Variants in NIPBL observed in about 807,000 individuals in gnomAD.
NIPBL encodes nipped-B-like protein.
A neutral mutation model predicts 321.8 loss-of-function variants in NIPBL; 19 were observed. That is an observed-to-expected ratio of 0.06 (90% CI 0.04 to 0.09). The LOEUF is 0.09. Ranked by LOEUF, NIPBL falls within the 10% of genes least tolerant of loss-of-function variation. The pLI, the probability that NIPBL is intolerant of heterozygous loss-of-function variation, is 1.00. For synonymous variants in NIPBL, 1,106 were observed against 1,114.1 expected (o/e 0.99, Z 0.14); for missense variants, 2,210 against 3,327.0 (o/e 0.66, Z 8.26).
chr5:36,881,083 C>T (rs1292689346), intron 1 of NIPBL, among the ~76,000 whole-genome samples: 1 of 151,896 alleles, frequency 6.6e-6, no homozygotes, highest in Non-Finnish European at 1.5e-5. Context: ...TTTTTCTTGT[C>T]TTTGAGAGAG....
intron 1 of NIPBL, among the ~76,000 whole-genome samples, chr5:36,880,137 G>GT (rs1745392371): frequency 1.8e-3 from 1 of 556 alleles, no homozygotes; most frequent in Admixed American, 0.02. Flanking sequence ...AAAAATATGA[G>GT]CAAGCTATAC....
At chr5:36,928,548 TACA>T (rs1277255660) in intron 1 of NIPBL, among the ~76,000 whole-genome samples, 1 of 152,220 alleles carries the variant, frequency 6.6e-6, no homozygotes, top group Non-Finnish European at 1.5e-5. Flanking sequence ...AATTTTACTT[TACA>T]ACGTTATTGA....
Position 36,962,216 on chromosome 5 carries a change from A to G in NIPBL, c.552A>G (p.Ala184=). 6.2e-7 allele frequency: 1 copy of G among 1,614,154 alleles called. No homozygotes were observed. Among genetic ancestry groups the G allele is most frequent in the Non-Finnish European group, 8.5e-7 (1 of 1,179,994 alleles). ...GTCCATACGCCCCACAAAGCCCTGC[A>G]GGATACATGCCATATTCCCATCCTT... The part of the protein sequence containing the change: ...VPSPYAPQSP[A]GYMPYSHPSS... Residue 184 remains alanine, a synonymous_variant, in exon 6 of 47, where the codon GCA becomes GCG. Coordinates refer to ENST00000282516, the MANE Select transcript of NIPBL (RefSeq NM_133433.4).
At chr5:36,973,253 G>A (rs1045142492) in intron 8 of NIPBL, among the ~76,000 whole-genome samples, 5 of 151,082 alleles carry the variant, frequency 3.3e-5, no homozygotes, top group African/African-American at 4.9e-5. Context: ...ATTTTACCTC[G>A]TATCTGCTTC....
intron 42 of NIPBL, among the ~76,000 whole-genome samples, chr5:37,054,621 A>G (rs1349562085): frequency 6.6e-6 from 1 of 152,186 alleles, no homozygotes; most frequent in African/African-American, 2.4e-5. Flanking sequence ...ATGTTTTGTC[A>G]TCTCAGCATT....
chr5:36,898,511 CTTTTTTT>C (rs550485997), intron 1 of NIPBL, among the ~76,000 whole-genome samples: 1 of 135,400 alleles, frequency 7.4e-6, no homozygotes, highest in African/African-American at 2.8e-5. Flanking sequence ...TTTCTGATTC[CTTTTTTT>C]TTTTTTTTTT....
At position 37,026,279 on chromosome 5, in the gene NIPBL, C is replaced by G. The variant is rs778081443; in HGVS notation, c.5760C>G (p.His1920Gln). The G allele has an allele frequency of 2.5e-6, 4 of 1,612,024 alleles. No homozygotes were observed. Among genetic ancestry groups the G allele is most frequent in the South Asian group, 2.2e-5 (2 of 90,920 alleles). ...FQKLWFTPTP[H>Q]NDKEAMTRKI... is the part of the protein sequence containing the mutation. ...AACTCTGGTTTACTCCAACTCCACA[C>G]AATGACAAAGAAGCAATGACAAGGA... Residue 1920 changes from histidine to glutamine, a missense_variant, in exon 31 of 47, where the codon CAC becomes CAG. By Grantham distance (24) the His-to-Gln change is conservative (BLOSUM62 0). Coordinates refer to ENST00000282516, the MANE Select transcript of NIPBL (RefSeq NM_133433.4).
chr5:36,925,006 A>G (rs1749242154), intron 1 of NIPBL, among the ~76,000 whole-genome samples: 1 of 152,202 alleles, frequency 6.6e-6, no homozygotes, highest in Admixed American at 6.5e-5. Context: ...AAAATATTTT[A>G]CGATGCTACT....
At chr5:36,894,903 G>A (rs933855744) in intron 1 of NIPBL, among the ~76,000 whole-genome samples, 19 of 152,146 alleles carry the variant, frequency 1.2e-4, no homozygotes, top group African/African-American at 4.6e-4. Context: ...TCTGCCTGTG[G>A]TGCTTGGTGT....
Position 36,985,515 on chromosome 5 carries a change from G to A in NIPBL, c.2335G>A (p.Val779Met), listed in dbSNP as rs1744671996. 2.5e-6 allele frequency: 4 copies of A among 1,613,622 alleles called. No homozygotes were observed. Among genetic ancestry groups the A allele is most frequent in the Non-Finnish European group, 3.4e-6 (4 of 1,179,920 alleles). The change falls in exon 10 of 47, where the codon GTG becomes ATG. Residue 779 changes from valine to methionine, a missense_variant. Val to Met is a conservative substitution (Grantham distance 21). This residue lies in a region of NIPBL where 588 missense variants were observed against 564.1 expected (regional missense o/e 1.04). Transcript: ENST00000282516. Reference sequence around the variant, plus strand: ...GCCATCTACAGAGAAAAAACCTGAAGTGTCTAAACATAAACAAGATACTAA... The same window carrying A: ...GCCATCTACAGAGAAAAAACCTGAAATGTCTAAACATAAACAAGATACTAA... ...GKPSTEKKPE[V>M]SKHKQDTKSD...
Position 37,060,991 on chromosome 5 carries a change from A to G in NIPBL, c.7833A>G (p.Lys2611=). 1 of 1,614,162 alleles carries G rather than the reference A, an allele frequency of 6.2e-7. No individual in the cohort carries two copies. Among genetic ancestry groups the G allele is most frequent in the Non-Finnish European group, 8.5e-7 (1 of 1,180,008 alleles). The change falls in exon 45 of 47, where the codon AAA becomes AAG. Residue 2611 remains lysine (K), a synonymous_variant. Coordinates refer to ENST00000282516, the MANE Select transcript of NIPBL (RefSeq NM_133433.4). The part of the protein sequence containing the change: ...MANSKITEEV[K]RSIVKQYLDF... Reference sequence around the variant, plus strand: ...ATTCCAAAATCACAGAAGAGGTGAAAAGGAGTATAGTAAAACAGTATCTAG... The same window carrying G: ...ATTCCAAAATCACAGAAGAGGTGAAGAGGAGTATAGTAAAACAGTATCTAG...
chr5:36,905,244 T>TGAACA (rs1747542479), intron 1 of NIPBL, among the ~76,000 whole-genome samples: 1 of 152,198 alleles, frequency 6.6e-6, no homozygotes, highest in African/African-American at 2.4e-5. Context: ...AGAGATAATA[T>TGAACA]TACTGTAATG....
chr5:37,036,576 G>T, intron 33 of NIPBL, 89 bp downstream of exon 33: 1 of 436,348 alleles, frequency 2.3e-6, no homozygotes. Context: ...TTTGCCTCTG[G>T]CTCTGCTTGT....
Position 37,064,992 on chromosome 5 carries a change from G to C in NIPBL, c.*100G>C, listed in dbSNP as rs905111332. The C allele has an allele frequency of 7.0e-6, 10 of 1,434,106 alleles. No homozygotes were observed. The highest frequency in any genetic ancestry group is 8.7e-6 in the Non-Finnish European group (9 of 1,031,766). 88.8% of individuals were successfully genotyped at this position (1,434,106 alleles called of 1,614,324 possible). On this transcript the variant is annotated 3_prime_UTR_variant, in exon 47 of 47. Transcript: ENST00000282516. ...CAAAAAAAAATCAGTTTTATGAAGA[G>C]TAAGTGGAACCTGGGATGCAGGAAC...
chr5:37,014,977 T>C (rs1049947434), intron 22 of NIPBL, among the ~76,000 whole-genome samples: 13 of 152,138 alleles, frequency 8.5e-5, no homozygotes, highest in Non-Finnish European at 2.9e-5. Flanking sequence ...ATCTAAAATT[T>C]TGTGAATTTG....
intron 1 of NIPBL, among the ~76,000 whole-genome samples, chr5:36,904,345 C>G (rs930613166): frequency 1.3e-5 from 2 of 152,104 alleles, no homozygotes; most frequent in African/African-American, 4.8e-5. Flanking sequence ...TGGCGTGTGC[C>G]TGTAATCCCA....
intron 1 of NIPBL, among the ~76,000 whole-genome samples, chr5:36,899,559 T>C (rs1430362855): frequency 2.0e-5 from 3 of 152,206 alleles, no homozygotes; most frequent in African/African-American, 2.4e-5. Flanking sequence ...ATTCAGAACT[T>C]TGGCTGTTGT....
intron 32 of NIPBL, among the ~76,000 whole-genome samples, chr5:37,036,119 A>G (rs182367192): frequency 6.6e-6 from 1 of 152,044 alleles, no homozygotes; most frequent in East Asian, 1.9e-4. Context: ...TTACACAGCA[A>G]TTTAAGTACT....
At chr5:37,013,209 G>A (rs539622039) in intron 21 of NIPBL, among the ~76,000 whole-genome samples, 228 of 151,052 alleles carry the variant, frequency 1.5e-3, no homozygotes, top group African/African-American at 5.3e-3. Flanking sequence ...GCGGCTGGCC[G>A]GGCAGAGGGG....
Sources: gnomAD v4.1 joint callset for allele counts (sites outside exome capture counted in the v4.1 genomes callset) on GRCh38, gnomAD v4.1.1 for gene constraint, gnomAD v4.1.1 regional missense constraint, MANE v1.5 for transcripts, NCBI Gene and HGNC (gene_info 2026-07-23, HGNC 2026-07-21) for gene names.